Variants in MAN1A1 observed in about 807,000 individuals in gnomAD.
MAN1A1 encodes mannosyl-oligosaccharide 1,2-alpha-mannosidase IA.
A neutral mutation model predicts 70.8 loss-of-function variants in MAN1A1; 29 were observed. The observed-to-expected ratio is 0.41, with a 90% CI of 0.31 to 0.56. The LOEUF (loss-of-function observed/expected upper bound fraction) is 0.56, where lower values mean the gene tolerates loss of function less well. Ranked by LOEUF, MAN1A1 falls within the 20% of genes least tolerant of loss-of-function variation. The pLI, the probability that MAN1A1 is intolerant of heterozygous loss-of-function variation, is 0.29. For synonymous variants in MAN1A1, 349 were observed against 330.1 expected (o/e 1.06, Z -0.62); for missense variants, 747 against 841.3 (o/e 0.89, Z 1.39).
chr6:119,243,941 C>A (rs1775083637), intron 6 of MAN1A1, among the ~76,000 whole-genome samples: 2 of 152,074 alleles, frequency 1.3e-5, no homozygotes, highest in South Asian at 4.1e-4. Flanking sequence ...TAACACCAAG[C>A]AGGCGTCAGA....
chr6:119,258,422 C>T (rs1013917593), intron 5 of MAN1A1, among the ~76,000 whole-genome samples: 12 of 152,126 alleles, frequency 7.9e-5, no homozygotes, highest in African/African-American at 2.9e-4. Flanking sequence ...TCCTAAACTA[C>T]ACAGTATAAC....
chr6:119,193,648 C>T (rs952033220), intron 9 of MAN1A1, 129 bp downstream of exon 9: 20 of 559,896 alleles, frequency 3.6e-5, no homozygotes, highest in Non-Finnish European at 6.0e-5. Context: ...TAGCAGATAT[C>T]GAACTCTACC....
intron 6 of MAN1A1, among the ~76,000 whole-genome samples, chr6:119,209,442 C>T (rs1027191480): frequency 6.6e-6 from 1 of 152,136 alleles, no homozygotes; most frequent in African/African-American, 2.4e-5. Context: ...TGGGGTTATA[C>T]AGTTATCAAT....
chr6:119,304,599 A>G (rs1772479947), intron 3 of MAN1A1, among the ~76,000 whole-genome samples: 1 of 152,122 alleles, frequency 6.6e-6, no homozygotes, highest in South Asian at 2.1e-4. Context: ...TTTTTTTTAT[A>G]TTCATTAAAG....
intron 11 of MAN1A1, among the ~76,000 whole-genome samples, chr6:119,186,327 C>T (rs184934367): frequency 6.6e-5 from 10 of 152,110 alleles, no homozygotes; most frequent in Admixed American, 3.3e-4. Flanking sequence ...TTTCAGTTTG[C>T]GTTCCCTTAA....
At chr6:119,349,776 TC>T, upstream of MAN1A1, 2 of 983,992 alleles carry the variant, frequency 2.0e-6, no homozygotes, top group Non-Finnish European at 1.2e-6. Context: ...TCACTGCCGG[TC>T]TTGGGGCGGT....
At chr6:119,349,773 C>T (rs893249986), upstream of MAN1A1, 3 of 984,726 alleles carry the variant, frequency 3.0e-6, no homozygotes, top group African/African-American at 3.5e-5. Context: ...ATCTCACTGC[C>T]GGTCTTGGGG....
chr6:119,246,363 T>C (rs1000624875), intron 6 of MAN1A1, among the ~76,000 whole-genome samples: 2 of 152,300 alleles, frequency 1.3e-5, no homozygotes, highest in Admixed American at 1.3e-4. Context: ...TGTTAGCTTT[T>C]GGAAATTGTG....
At chr6:119,202,860 T>A (rs6904984) in intron 7 of MAN1A1, among the ~76,000 whole-genome samples, 129,826 of 152,166 alleles carry the variant, frequency 0.85, 55,762 homozygotes, top group South Asian at 0.89. Context: ...ATACCCCTAA[T>A]TTCATATGCT....
At chr6:119,222,407 G>A (rs1237694276) in intron 6 of MAN1A1, among the ~76,000 whole-genome samples, 2 of 145,952 alleles carry the variant, frequency 1.4e-5, no homozygotes, top group African/African-American at 2.5e-5. Context: ...GCTTACTGTA[G>A]CCTTGACCTC....
intron 3 of MAN1A1, 61 bp downstream of exon 3, chr6:119,306,835 A>G: frequency 2.5e-6 from 3 of 1,221,772 alleles, no homozygotes; most frequent in Non-Finnish European, 2.4e-6. Flanking sequence ...TCCACCATCC[A>G]TAAGCTCAAG....
intron 3 of MAN1A1, 103 bp downstream of exon 3, chr6:119,306,793 A>T (rs1211074241): frequency 5.1e-6 from 4 of 783,680 alleles, no homozygotes; most frequent in African/African-American, 3.5e-5. Context: ...TTCCTAACCA[A>T]ATGGCCTGGA....
At chr6:119,204,699 A>G (rs904641530) in intron 7 of MAN1A1, 60 bp downstream of exon 7, 39 of 1,591,746 alleles carry the variant, frequency 2.5e-5, no homozygotes, top group Non-Finnish European at 3.2e-5. Context: ...ACCTTCTCAG[A>G]GACAATACTG....
chr6:119,343,894 T>C (rs1241097539), intron 2 of MAN1A1, among the ~76,000 whole-genome samples: 6 of 152,228 alleles, frequency 3.9e-5, no homozygotes, highest in Admixed American at 3.9e-4. Flanking sequence ...AATTCTGATC[T>C]ACCCTGTGTA....
intron 11 of MAN1A1, among the ~76,000 whole-genome samples, chr6:119,186,060 G>A (rs1460541402): frequency 1.3e-5 from 2 of 152,058 alleles, no homozygotes; most frequent in East Asian, 3.9e-4. Flanking sequence ...GATAATTGAG[G>A]AGCTGAAATG....
At chr6:119,312,997 T>G (rs1047084274) in intron 2 of MAN1A1, among the ~76,000 whole-genome samples, 7 of 152,120 alleles carry the variant, frequency 4.6e-5, no homozygotes, top group Non-Finnish European at 1.0e-4. Flanking sequence ...CTGACCTTTA[T>G]CCACTCACGC....
chr6:119,232,320 C>T (rs915184807), intron 6 of MAN1A1, among the ~76,000 whole-genome samples: 1 of 141,382 alleles, frequency 7.1e-6, no homozygotes, highest in African/African-American at 2.6e-5. Flanking sequence ...TTGCAGTGAG[C>T]CAAGATTACA....
chr6:119,242,881 T>C (rs532124322), intron 6 of MAN1A1, among the ~76,000 whole-genome samples: 15 of 152,208 alleles, frequency 9.9e-5, no homozygotes, highest in African/African-American at 3.6e-4. Flanking sequence ...TCTTAAAGTA[T>C]TGTTGATTAC....
rs5879501 is a variant in MAN1A1 at position 119,316,175 on chromosome 6, G to GTTTT, written c.604-9187_604-9184dup. On this transcript the variant is annotated intron_variant, in intron 2 of 12. Coordinates refer to ENST00000368468, the MANE Select transcript of MAN1A1 (RefSeq NM_005907.4). Reference sequence around the variant, plus strand: ...GAGAAAAAGATATTCATTTTTGTGGGTTTTTTTTTTTTTTTTTTTGAGATG... The same window carrying GTTTT: ...GAGAAAAAGATATTCATTTTTGTGGGTTTTTTTTTTTTTTTTTTTTTTTGAGATG... 4.1e-3 allele frequency among the ~76,000 whole-genome samples: 481 copies of GTTTT among 116,184 alleles called. 19 individuals carry two copies. In the East Asian group the frequency reaches 0.079, roughly 19 times the overall value. 76.2% of individuals were successfully genotyped at this position (116,184 alleles called of 152,430 possible). A position where few individuals can be genotyped will look rare whatever the true frequency, so the allele number is the denominator to read the frequency against.
Sources: gnomAD v4.1 joint callset for allele counts (sites outside exome capture counted in the v4.1 genomes callset) on GRCh38, gnomAD v4.1.1 for gene constraint, MANE v1.5 for transcripts, NCBI Gene and HGNC (gene_info 2026-07-23, HGNC 2026-07-21) for gene names.